ARNT: variants seen among roughly 807,000 people sequenced by gnomAD.
ARNT encodes the protein aryl hydrocarbon receptor nuclear translocator.
ARNT carries 30 observed loss-of-function variants against 105.0 expected under a neutral mutation model. The ratio of observed to expected loss-of-function variants is 0.29; its 90% CI spans 0.21 to 0.39. The LOEUF (loss-of-function observed/expected upper bound fraction) is 0.39. Ranked by LOEUF, ARNT falls within the 10% of genes least tolerant of loss-of-function variation. The probability of loss-of-function intolerance (pLI) is 1.00; values close to 1 mark genes in which losing one functional copy is unlikely to be tolerated. For missense variants in ARNT, 748 were observed against 978.7 expected (o/e 0.76, Z 3.15); for synonymous variants, 304 against 344.0 (o/e 0.88, Z 1.29).
At chr1:150,859,632 C>T (rs10305667) in intron 1 of ARNT, among the ~76,000 whole-genome samples, 38,751 of 151,872 alleles carry the variant, frequency 0.26, 5,235 homozygotes, top group South Asian at 0.46. Flanking sequence ...ACTGGAATTA[C>T]AGGTTTGAGC....
intron 2 of ARNT, among the ~76,000 whole-genome samples, chr1:150,855,016 G>C (rs1218869995): frequency 6.6e-6 from 1 of 152,014 alleles, no homozygotes; most frequent in Non-Finnish European, 1.5e-5. Context: ...GGCTGGTCTT[G>C]AATTCCTGGG....
chr1:150,874,917 G>C (rs587770025), intron 1 of ARNT, among the ~76,000 whole-genome samples: 2 of 152,204 alleles, frequency 1.3e-5, no homozygotes, highest in Admixed American at 6.5e-5. Context: ...ATATGGTCAA[G>C]AGGCTGTCAT....
chr1:150,814,339 C>G (rs1381768401), intron 19 of ARNT, 100 bp from the exon 20 acceptor site: 2 of 1,125,266 alleles, frequency 1.8e-6, no homozygotes, highest in Non-Finnish European at 2.5e-6. Context: ...CTGCATCCTT[C>G]TGAACCAAGC....
At chr1:150,873,415 G>A (rs761845087) in intron 1 of ARNT, among the ~76,000 whole-genome samples, 6 of 151,682 alleles carry the variant, frequency 4.0e-5, no homozygotes, top group African/African-American at 7.3e-5. Context: ...TAGAACTAGT[G>A]AAAAATGATA....
chr1:150,831,191 C>T (rs1240844464), intron 10 of ARNT, among the ~76,000 whole-genome samples: 2 of 152,182 alleles, frequency 1.3e-5, no homozygotes, highest in Admixed American at 1.3e-4. Context: ...AAACACATCA[C>T]CTTGCTTCTC....
intron 21 of ARNT, 150 bp downstream of exon 21, chr1:150,813,022 C>G (rs1376372176): frequency 1.2e-5 from 10 of 861,830 alleles, no homozygotes; most frequent in Non-Finnish European, 1.8e-5. Context: ...CAATAACTGA[C>G]AGTGATCCCT....
chr1:150,868,775 C>T lies in ARNT; in HGVS notation c.25+7768G>A, dbSNP rs181552255. ...ATTAGCCAGGCGCGGTGGCACGTGC[C>T]TGTAGTCCCAGCTACAGGAGGCTGA... On this transcript the variant is annotated intron_variant, in intron 1 of 21. Transcript: ENST00000358595. Among the ~76,000 whole-genome samples the T allele has an allele frequency of 5.8e-4, 89 of 152,226 alleles. 1 individual carries two copies. Among genetic ancestry groups the T allele is most frequent in the Non-Finnish European group, 2.5e-4 (17 of 68,004 alleles).
intron 13 of ARNT, among the ~76,000 whole-genome samples, chr1:150,824,255 A>G (rs1231802266): frequency 1.3e-5 from 2 of 151,772 alleles, no homozygotes; most frequent in Admixed American, 1.3e-4. Context: ...ATTCTAGTCA[A>G]ATAGGAATAA....
At chr1:150,815,383 C>T (rs1655618479) in intron 19 of ARNT, among the ~76,000 whole-genome samples, 1 of 150,708 alleles carries the variant, frequency 6.6e-6, no homozygotes, top group Non-Finnish European at 1.5e-5. Context: ...GCCGTCTCTA[C>T]TAAAAATACA....
intron 18 of ARNT, 131 bp downstream of exon 18, chr1:150,816,657 C>T: frequency 1.8e-6 from 2 of 1,119,996 alleles, no homozygotes; most frequent in Non-Finnish European, 2.5e-6. Context: ...GCTTGTTTGC[C>T]TCACGCTAGG....
chr1:150,814,828 G>A (rs10305744), intron 19 of ARNT, among the ~76,000 whole-genome samples: 2 of 150,306 alleles, frequency 1.3e-5, no homozygotes, highest in Admixed American at 6.6e-5. Flanking sequence ...GGGCAACAGC[G>A]AGACTCTGTC....
chr1:150,850,253 C>T (rs1181624434), intron 3 of ARNT, among the ~76,000 whole-genome samples: 3 of 151,972 alleles, frequency 2.0e-5, no homozygotes, highest in African/African-American at 7.2e-5. Context: ...CTCTCCCTCT[C>T]CATCTCCCTC....
intron 3 of ARNT, among the ~76,000 whole-genome samples, chr1:150,851,083 G>A (rs1232091872): frequency 6.7e-6 from 1 of 149,100 alleles, no homozygotes; most frequent in East Asian, 2.0e-4. Context: ...GAGCCCCTCC[G>A]CCCCGCAGCC....
intron 1 of ARNT, among the ~76,000 whole-genome samples, chr1:150,869,320 A>G (rs1667096222): frequency 6.6e-6 from 1 of 152,014 alleles, no homozygotes; most frequent in Non-Finnish European, 1.5e-5. Context: ...CACTAAAAAC[A>G]CAAAAAATTA....
At chr1:150,874,493 G>A (rs930011747) in intron 1 of ARNT, among the ~76,000 whole-genome samples, 2 of 152,102 alleles carry the variant, frequency 1.3e-5, no homozygotes, top group Admixed American at 6.6e-5. Flanking sequence ...AGATCAGCAT[G>A]GGCAACATAG....
Position 150,876,595 on chromosome 1 carries a change from A to AC in ARNT, c.-29dup, listed in dbSNP as rs34415707. 95,094 of 1,353,612 alleles carry AC rather than the reference A, an allele frequency of 0.07. 496 individuals carry two copies. Among genetic ancestry groups the AC allele is most frequent in the Middle Eastern group, 0.096 (371 of 3,870 alleles). 83.9% of individuals were successfully genotyped at this position (1,353,612 alleles called of 1,614,324 possible). A position where few individuals can be genotyped will look rare whatever the true frequency, so the allele number is the denominator to read the frequency against. ...CCGCAGATGCCACCGCCGCCGCGCC[A>AC]CCCCCCCCCCCAGTGGGAGGAGCCG... On this transcript the variant is annotated 5_prime_UTR_variant, in exon 1 of 22. Transcript: ENST00000358595.
intron 13 of ARNT, among the ~76,000 whole-genome samples, 173 bp downstream of exon 13, chr1:150,826,370 C>T (rs1658270018): frequency 6.6e-6 from 1 of 152,194 alleles, no homozygotes. Context: ...ATACCTTGGG[C>T]ATTATCCATA....
intron 2 of ARNT, chr1:150,853,235 C>G (rs946416490): frequency 5.7e-6 from 2 of 349,616 alleles, no homozygotes; most frequent in African/African-American, 2.2e-5. Flanking sequence ...GAGCCAAGAT[C>G]GCACCATTGC....
At chr1:150,846,068 G>A (rs938927274) in intron 4 of ARNT, among the ~76,000 whole-genome samples, 195 bp downstream of exon 4, 38 of 152,152 alleles carry the variant, frequency 2.5e-4, no homozygotes, top group African/African-American at 8.7e-4. Context: ...AAAATATACC[G>A]CCAGTTTGAA....
Sources: allele counts gnomAD v4.1 joint callset (sites outside exome capture counted in the v4.1 genomes callset), GRCh38; gene constraint gnomAD v4.1.1; transcripts MANE v1.5; gene names NCBI Gene and HGNC (gene_info 2026-07-23, HGNC 2026-07-21).